Variants in MAST4 observed in about 807,000 individuals in gnomAD.
MAST4 encodes the protein microtubule-associated serine/threonine-protein kinase 4.
In MAST4, 89 loss-of-function variants were observed where a neutral mutation model predicts 162.7. That is an observed-to-expected ratio of 0.55 (90% CI 0.46 to 0.65). MAST4 has a LOEUF of 0.65. MAST4 is among the 30% of genes least tolerant of loss of function. The probability of loss-of-function intolerance (pLI) is 0.00; values close to 1 mark genes in which losing one functional copy is unlikely to be tolerated. For missense variants in MAST4, 3,153 were observed against 3,374.0 expected (o/e 0.93, Z 1.62); for synonymous variants, 1,479 against 1,361.1 (o/e 1.09, Z -1.91).
chr5:66,808,888 C>T (rs1451205739), intron 3 of MAST4, among the ~76,000 whole-genome samples: 1 of 152,206 alleles, frequency 6.6e-6, no homozygotes, highest in African/African-American at 2.4e-5. Flanking sequence ...AGCCTTTTCC[C>T]TGCCTTCGTG....
At chr5:67,027,836 A>C (rs1754847361) in intron 4 of MAST4, among the ~76,000 whole-genome samples, 1 of 152,160 alleles carries the variant, frequency 6.6e-6, no homozygotes, top group African/African-American at 2.4e-5. Context: ...TGCAGAGGAG[A>C]TTTCACTTGG....
intron 7 of MAST4, 47 bp from the exon 8 acceptor site, chr5:67,100,388 A>C: frequency 6.3e-7 from 1 of 1,598,330 alleles, no homozygotes; most frequent in Non-Finnish European, 8.6e-7. Context: ...TCATTTGAAG[A>C]GTTTCTTTCT....
chr5:66,812,339 C>G (rs967805407), intron 3 of MAST4, among the ~76,000 whole-genome samples: 1 of 152,140 alleles, frequency 6.6e-6, no homozygotes, highest in African/African-American at 2.4e-5. Flanking sequence ...CTTTGTATTT[C>G]TTGAGTAGAA....
At chr5:66,604,513 T>G (rs975577723) in intron 1 of MAST4, among the ~76,000 whole-genome samples, 11 of 152,240 alleles carry the variant, frequency 7.2e-5, no homozygotes, top group African/African-American at 2.7e-4. Flanking sequence ...AAATGAAAAT[T>G]TAATTTTAAT....
At chr5:66,740,436 G>A (rs1271042379) in intron 1 of MAST4, among the ~76,000 whole-genome samples, 2 of 152,220 alleles carry the variant, frequency 1.3e-5, no homozygotes, top group Non-Finnish European at 2.9e-5. Flanking sequence ...GGAAAATGCT[G>A]TATTTTCTAC....
intron 4 of MAST4, among the ~76,000 whole-genome samples, chr5:66,919,952 CCT>C (rs1561446193): frequency 2.5e-5 from 3 of 118,332 alleles, no homozygotes; most frequent in Admixed American, 9.4e-5. Context: ...TTCCTTCCTT[CCT>C]TCCTTCCTTC....
intron 4 of MAST4, among the ~76,000 whole-genome samples, chr5:67,042,884 A>G (rs893390830): frequency 6.6e-6 from 1 of 152,182 alleles, no homozygotes; most frequent in African/African-American, 2.4e-5. Context: ...GGTTTCTTAT[A>G]TTTGTATGTT....
At chr5:66,924,093 C>T (rs1764719361) in intron 4 of MAST4, among the ~76,000 whole-genome samples, 1 of 152,150 alleles carries the variant, frequency 6.6e-6, no homozygotes, top group African/African-American at 2.4e-5. Flanking sequence ...TCCTTGTTGC[C>T]ATCTCATCTT....
At chr5:66,713,388 T>G (rs1438537902) in intron 1 of MAST4, among the ~76,000 whole-genome samples, 2 of 152,206 alleles carry the variant, frequency 1.3e-5, no homozygotes, top group Non-Finnish European at 2.9e-5. Flanking sequence ...TGAGAGTGGC[T>G]GAAATTTAGT....
At chr5:66,786,908 A>C (rs949171249) in intron 2 of MAST4, among the ~76,000 whole-genome samples, 3 of 152,156 alleles carry the variant, frequency 2.0e-5, no homozygotes, top group Non-Finnish European at 4.4e-5. Flanking sequence ...AAATCAATCT[A>C]TTATGTAGGG....
chr5:67,115,235 T>C (rs907347097), intron 12 of MAST4, among the ~76,000 whole-genome samples: 13 of 152,174 alleles, frequency 8.5e-5, no homozygotes, highest in Non-Finnish European at 1.8e-4. Context: ...TTAGGTTATA[T>C]ACTCCCCAAA....
intron 3 of MAST4, among the ~76,000 whole-genome samples, chr5:66,884,411 G>T (rs1761905577): frequency 6.6e-6 from 1 of 152,160 alleles, no homozygotes; most frequent in Non-Finnish European, 1.5e-5. Flanking sequence ...GGGAAATGTT[G>T]AGTTAAATGG....
intron 4 of MAST4, among the ~76,000 whole-genome samples, chr5:66,980,059 A>C (rs1748596719): frequency 6.6e-6 from 1 of 152,234 alleles, no homozygotes; most frequent in African/African-American, 2.4e-5. Context: ...TCCTAACTTC[A>C]AGCTACTTGC....
chr5:66,788,827 C>G (rs1221126234), intron 3 of MAST4, 33 bp downstream of exon 3: 1 of 1,518,548 alleles, frequency 6.6e-7, no homozygotes, highest in Non-Finnish European at 8.8e-7. Flanking sequence ...GGAGGCTGCT[C>G]CAGCTCACCA....
At chr5:66,609,813 T>C (rs1013444281) in intron 1 of MAST4, among the ~76,000 whole-genome samples, 3 of 151,692 alleles carry the variant, frequency 2.0e-5, no homozygotes, top group African/African-American at 7.3e-5. Context: ...AGTTTGGAAC[T>C]TGGAGTGTAT....
At chr5:67,058,369 T>C (rs913387739) in intron 5 of MAST4, among the ~76,000 whole-genome samples, 1 of 152,232 alleles carries the variant, frequency 6.6e-6, no homozygotes, top group African/African-American at 2.4e-5. Context: ...TTTTCAGTAT[T>C]GGTGAATATT....
rs1489527113 is a variant in MAST4 at position 67,144,720 on chromosome 5, G to T, written c.2782G>T (p.Asp928Tyr). The T allele has an allele frequency of 6.2e-7, 1 of 1,613,778 alleles. No individual in the cohort carries two copies. Among genetic ancestry groups the T allele is most frequent in the African/African-American group, 1.3e-5 (1 of 74,928 alleles). The change falls in exon 22 of 29, where the codon GAC (aspartate) becomes TAC (tyrosine). Residue 928 changes from aspartate (D) to tyrosine (Y), a missense_variant. Transcript: ENST00000403625. ...TCAGAATTCAGCAGAAGAGAAGGAA[G>T]ACTCTGTGGACAAAACCAAAAGCAC... is the stretch of plus-strand genomic sequence containing the variant. The part of the protein sequence containing the change: ...ITQNSAEEKE[D>Y]SVDKTKSTTL...
intron 3 of MAST4, among the ~76,000 whole-genome samples, chr5:66,827,694 T>C (rs931714574): frequency 6.6e-6 from 1 of 152,232 alleles, no homozygotes; most frequent in East Asian, 1.9e-4. Flanking sequence ...AAAAAATGTT[T>C]ATACCTGTCT....
intron 5 of MAST4, among the ~76,000 whole-genome samples, chr5:67,079,707 C>G (rs992702769): frequency 3.3e-5 from 5 of 152,164 alleles, no homozygotes; most frequent in Admixed American, 1.3e-4. Flanking sequence ...GGGACTCTGT[C>G]CCTTCATTTT....
Sources: gnomAD v4.1 joint callset for allele counts (sites outside exome capture counted in the v4.1 genomes callset) on GRCh38, gnomAD v4.1.1 for gene constraint, MANE v1.5 for transcripts, NCBI Gene and HGNC (gene_info 2026-07-23, HGNC 2026-07-21) for gene names.